The following DGCR2 variants were observed in gnomAD, a reference collection of about 807,000 sequenced individuals.
DGCR2 encodes the protein DiGeorge syndrome critical region gene 2.
In DGCR2, 24 loss-of-function variants were observed where a neutral mutation model predicts 51.6. That is an observed-to-expected ratio of 0.47 (90% CI 0.34 to 0.65). The LOEUF (loss-of-function observed/expected upper bound fraction) is 0.65, where lower values mean the gene tolerates loss of function less well. DGCR2 is among the 30% of genes least tolerant of loss of function. The pLI, the probability that DGCR2 is intolerant of heterozygous loss-of-function variation, is 0.01. For missense variants in DGCR2, 765 were observed against 772.1 expected (o/e 0.99, Z 0.11); for synonymous variants, 340 against 315.4 (o/e 1.08, Z -0.82).
chr22:19,083,409 A>G (rs944101113), intron 2 of DGCR2, among the ~76,000 whole-genome samples: 1 of 152,208 alleles, frequency 6.6e-6, no homozygotes, highest in Admixed American at 6.5e-5. Flanking sequence ...CCTCTTCTTC[A>G]CAACGACCTC....
At chr22:19,054,284 C>A (rs2082578587) in intron 6 of DGCR2, among the ~76,000 whole-genome samples, 2 of 152,162 alleles carry the variant, frequency 1.3e-5, no homozygotes. Context: ...CCAAATGATT[C>A]AGAAGAAACA....
chr22:19,088,972 C>T (rs778126409), intron 2 of DGCR2, among the ~76,000 whole-genome samples: 1 of 152,040 alleles, frequency 6.6e-6, no homozygotes, highest in Non-Finnish European at 1.5e-5. Context: ...CGTGCCAAGG[C>T]CAGTCTAAAA....
intron 2 of DGCR2, among the ~76,000 whole-genome samples, chr22:19,077,519 C>G (rs1271121412): frequency 6.6e-6 from 1 of 152,164 alleles, no homozygotes; most frequent in Non-Finnish European, 1.5e-5. Context: ...ATTGCTAAGG[C>G]TCTGTATTCT....
At chr22:19,101,173 C>A (rs1317428676) in intron 1 of DGCR2, among the ~76,000 whole-genome samples, 2 of 152,116 alleles carry the variant, frequency 1.3e-5, no homozygotes, top group Admixed American at 1.3e-4. Flanking sequence ...AAGGTTTTAA[C>A]CTTTTAATAG....
chr22:19,056,426 TGCCATCCCAGAGCCAGC>T, intron 6 of DGCR2: 2 of 504,306 alleles, frequency 4.0e-6, no homozygotes, highest in Non-Finnish European at 7.2e-6. Flanking sequence ...TGCGCACAGC[TGCCATCCCAGAGCCAGC>T]GCCATCCTGC....
chr22:19,053,562 C>A (rs2082571287), intron 6 of DGCR2, among the ~76,000 whole-genome samples: 1 of 152,170 alleles, frequency 6.6e-6, no homozygotes, highest in Admixed American at 6.5e-5. Context: ...CTAAAGACCT[C>A]CCCACAAGAA....
intron 7 of DGCR2, among the ~76,000 whole-genome samples, chr22:19,044,795 T>G (rs1223109820): frequency 1.3e-5 from 2 of 152,254 alleles, no homozygotes; most frequent in African/African-American, 4.8e-5. Flanking sequence ...GTTTAATAAT[T>G]TACATCTTCT....
chr22:19,106,895 C>T (rs2083265848), intron 1 of DGCR2, among the ~76,000 whole-genome samples: 1 of 152,008 alleles, frequency 6.6e-6, no homozygotes, highest in Non-Finnish European at 1.5e-5. Flanking sequence ...CCATTTCCTT[C>T]ACCGAGACAG....
intron 1 of DGCR2, among the ~76,000 whole-genome samples, chr22:19,092,558 G>C (rs2083090582): frequency 6.6e-6 from 1 of 152,068 alleles, no homozygotes; most frequent in Admixed American, 6.6e-5. Context: ...GCCCTAAAAG[G>C]AATTGAATTT....
chr22:19,043,271 T>A (rs1250784275), intron 7 of DGCR2, among the ~76,000 whole-genome samples: 1 of 152,148 alleles, frequency 6.6e-6, no homozygotes, highest in Admixed American at 6.5e-5. Flanking sequence ...CTGTTCAACA[T>A]CCTCCAGGAC....
chr22:19,066,105 C>T (rs991825021), intron 3 of DGCR2, among the ~76,000 whole-genome samples: 1 of 152,124 alleles, frequency 6.6e-6, no homozygotes, highest in South Asian at 2.1e-4. Context: ...TAGGTGCAGA[C>T]AAGGAATCAG....
At position 19,063,291 on chromosome 22, in the gene DGCR2, G is replaced by A. The variant is rs769073895; in HGVS notation, c.549-13C>T. 1.9e-6 allele frequency: 3 copies of A among 1,609,776 alleles called. No homozygotes were observed. The highest frequency in any genetic ancestry group is 1.7e-6 in the Non-Finnish European group (2 of 1,176,384). On this transcript the variant is annotated splice_polypyrimidine_tract_variant and intron_variant, in intron 4 of 9. Coordinates refer to ENST00000263196, the MANE Select transcript of DGCR2 (RefSeq NM_005137.3). ...GCCAACCCACAACCTGCAGGGCACA[G>A]AGACAGAGACAGAGATCTCAGCGGC...
intron 1 of DGCR2, among the ~76,000 whole-genome samples, chr22:19,104,789 G>A (rs1464776314): frequency 6.6e-6 from 1 of 152,216 alleles, no homozygotes; most frequent in East Asian, 1.9e-4. Flanking sequence ...GGAAAGAGCT[G>A]GCAGCTGCTT....
intron 5 of DGCR2, among the ~76,000 whole-genome samples, chr22:19,059,737 C>T (rs1483539763): frequency 6.6e-6 from 1 of 152,092 alleles, no homozygotes; most frequent in Non-Finnish European, 1.5e-5. Context: ...GCTGGGCCGT[C>T]ACCAGCCACC....
At chr22:19,061,951 A>C (rs1239961686) in intron 5 of DGCR2, 1 of 152,242 alleles carries the variant, frequency 6.6e-6, no homozygotes, top group Admixed American at 6.5e-5. Context: ...GCACTTGGCC[A>C]TTAAAGCCCA....
In DGCR2 at chr22:19,060,836, C is replaced by T. The variant is rs114944502; in HGVS notation, c.625+2366G>A. The stretch of plus-strand genomic sequence containing the variant: ...GGCCTGGGGGAGCGCCTGGAGAGCG[C>T]TCCACCAAGGCGCACAGGAACCCTG... On this transcript the variant is annotated intron_variant, in intron 5 of 9. Transcript: ENST00000263196. 1,642 of 513,738 alleles carry T rather than the reference C, an allele frequency of 3.2e-3. 21 individuals carry two copies. Among genetic ancestry groups the T allele is most frequent in the African/African-American group, 0.026 (1,371 of 51,912 alleles). The allele number at this position is 513,738 out of a possible 1,614,324, so 31.8% of individuals were successfully genotyped here. A position where few individuals can be genotyped will look rare whatever the true frequency, so the allele number is the denominator to read the frequency against.
intron 9 of DGCR2, among the ~76,000 whole-genome samples, chr22:19,039,364 C>A (rs5992353): frequency 0.41 from 62,900 of 152,016 alleles, 13,478 homozygotes; most frequent in African/African-American, 0.53. Flanking sequence ...GGTGCAGGGC[C>A]CATCTCACAA....
At chr22:19,116,573 A>G (rs771872465) in intron 1 of DGCR2, among the ~76,000 whole-genome samples, 27 of 152,210 alleles carry the variant, frequency 1.8e-4, no homozygotes, top group Non-Finnish European at 2.8e-4. Flanking sequence ...GAAAGAAAGG[A>G]AAGAGGACGG....
chr22:19,092,732 T>C (rs1300285234), intron 1 of DGCR2, among the ~76,000 whole-genome samples: 4 of 152,166 alleles, frequency 2.6e-5, no homozygotes, highest in African/African-American at 9.7e-5. Context: ...AAGAAATACT[T>C]AGGTATAAAT....
Sources: allele counts gnomAD v4.1 joint callset (sites outside exome capture counted in the v4.1 genomes callset), GRCh38; gene constraint gnomAD v4.1.1; transcripts MANE v1.5; gene names NCBI Gene and HGNC (gene_info 2026-07-23, HGNC 2026-07-21).